The following ARID2 variants were observed in gnomAD, a reference collection of about 807,000 sequenced individuals.
ARID2 encodes the protein AT-rich interactive domain-containing protein 2.
A neutral mutation model predicts 184.6 loss-of-function variants in ARID2; 32 were observed. That is an observed-to-expected ratio of 0.17 (90% CI 0.13 to 0.23). ARID2 has a LOEUF of 0.23. ARID2 is among the 10% of genes least tolerant of loss of function. ARID2 has a pLI of 1.00. For synonymous variants in ARID2, 836 were observed against 772.6 expected (o/e 1.08, Z -1.36); for missense variants, 1,696 against 2,197.6 (o/e 0.77, Z 4.56).
chr12:45,828,323 T>C (rs983139082), intron 6 of ARID2, among the ~76,000 whole-genome samples: 1 of 152,154 alleles, frequency 6.6e-6, no homozygotes, highest in African/African-American at 2.4e-5. Flanking sequence ...TATTGTTGTA[T>C]AATGTTACAT....
chr12:45,784,264 T>C (rs921419012), intron 3 of ARID2, among the ~76,000 whole-genome samples: 5 of 152,172 alleles, frequency 3.3e-5, no homozygotes, highest in African/African-American at 1.2e-4. Context: ...CAAGTGATCC[T>C]CCTGCTTCAG....
intron 16 of ARID2, among the ~76,000 whole-genome samples, chr12:45,890,098 TTAGA>T (rs879540985): frequency 1.1e-4 from 17 of 152,202 alleles, no homozygotes; most frequent in South Asian, 1.0e-3. Context: ...ACTAGAGTAG[TTAGA>T]TAGAGAGAAA....
chr12:45,815,149 T>C (rs1212891488), intron 4 of ARID2, among the ~76,000 whole-genome samples: 2 of 152,120 alleles, frequency 1.3e-5, no homozygotes, highest in Non-Finnish European at 2.9e-5. Flanking sequence ...GGAATACGGG[T>C]TCCACATTTT....
chr12:45,795,104 A>G (rs1942365477), intron 3 of ARID2, among the ~76,000 whole-genome samples: 2 of 152,212 alleles, frequency 1.3e-5, no homozygotes, highest in South Asian at 2.1e-4. Context: ...TTCAAGAAAT[A>G]TAAATACATT....
At chr12:45,817,224 C>A (rs1414831429) in intron 4 of ARID2, among the ~76,000 whole-genome samples, 3 of 152,006 alleles carry the variant, frequency 2.0e-5, no homozygotes, top group Admixed American at 6.6e-5. Context: ...CATAGTGGAG[C>A]CTTCCTGTAG....
intron 3 of ARID2, among the ~76,000 whole-genome samples, chr12:45,786,821 C>G (rs1008376555): frequency 6.6e-6 from 1 of 152,112 alleles, no homozygotes; most frequent in Non-Finnish European, 1.5e-5. Context: ...TAAAAAAGAA[C>G]AAAATCCTGT....
intron 3 of ARID2, among the ~76,000 whole-genome samples, chr12:45,770,066 AAC>A (rs1941839913): frequency 6.6e-6 from 1 of 152,114 alleles, no homozygotes. Flanking sequence ...CATCCTGGCT[AAC>A]ACAGTGAAAC....
At chr12:45,846,807 A>G (rs767282059) in intron 11 of ARID2, 49 bp from the exon 12 acceptor site, 42 of 1,570,920 alleles carry the variant, frequency 2.7e-5, no homozygotes, top group Non-Finnish European at 3.6e-5. Context: ...TATGGCAAAT[A>G]GTGACTAACT....
At chr12:45,790,926 C>T (rs1207235135) in intron 3 of ARID2, among the ~76,000 whole-genome samples, 1 of 151,934 alleles carries the variant, frequency 6.6e-6, no homozygotes, top group Non-Finnish European at 1.5e-5. Context: ...TCTTTTTTAT[C>T]TATTTATTCG....
At chr12:45,808,885 C>T (rs910739738) in intron 3 of ARID2, among the ~76,000 whole-genome samples, 1 of 152,146 alleles carries the variant, frequency 6.6e-6, no homozygotes, top group East Asian at 1.9e-4. Context: ...GTACTTCAGC[C>T]ACCTGAGTAG....
intron 3 of ARID2, among the ~76,000 whole-genome samples, chr12:45,788,453 A>G (rs1942235671): frequency 6.6e-6 from 1 of 152,206 alleles, no homozygotes; most frequent in Admixed American, 6.5e-5. Flanking sequence ...AGCATACTCT[A>G]TGACCCTGAT....
At chr12:45,849,302 G>T (rs1320538255) in intron 13 of ARID2, among the ~76,000 whole-genome samples, 1 of 152,094 alleles carries the variant, frequency 6.6e-6, no homozygotes, top group East Asian at 1.9e-4. Context: ...AAGACTTTTT[G>T]ATATTTTGCA....
chr12:45,853,911 G>C (rs1042136076), intron 15 of ARID2, among the ~76,000 whole-genome samples: 1 of 152,238 alleles, frequency 6.6e-6, no homozygotes, highest in African/African-American at 2.4e-5. Context: ...ATAACTGACA[G>C]GTACCAGTCC....
intron 6 of ARID2, among the ~76,000 whole-genome samples, chr12:45,830,192 C>A (rs1277380428): frequency 1.3e-5 from 2 of 151,146 alleles, no homozygotes; most frequent in Non-Finnish European, 3.0e-5. Flanking sequence ...TGGAATATTC[C>A]CTTCTGTTTT....
rs528309142 is a variant in ARID2, at chr12:45,852,429, A to G, written c.4306A>G (p.Asn1436Asp). ...SSVSSIQEAS[N>D]AATQQFSGTD... ...TGTGAGCAGTATACAGGAGGCTTCA[A>G]ATGCGGCAACACAGCAATTTAGTGG... is the stretch of plus-strand genomic sequence containing the variant. The change falls in exon 15 of 21, where the codon AAT (asparagine) becomes GAT (aspartate). Residue 1436 changes from asparagine (N) to aspartate (D), a missense_variant. Physicochemically the swap from Asn to Asp is conservative, Grantham distance 23. Coordinates refer to ENST00000334344, the MANE Select transcript of ARID2 (RefSeq NM_152641.4). 3.1e-6 allele frequency: 5 copies of G among 1,614,166 alleles called. No homozygotes were observed. Among genetic ancestry groups the G allele is most frequent in the Admixed American group, 3.3e-5 (2 of 60,018 alleles).
chr12:45,729,952 G>A (rs1439100001), intron 1 of ARID2, 24 bp downstream of exon 1: 1 of 1,603,716 alleles, frequency 6.2e-7, no homozygotes, highest in Non-Finnish European at 8.5e-7. Flanking sequence ...CGGGGGGGCA[G>A]CGCCGGGGCG....
intron 6 of ARID2, among the ~76,000 whole-genome samples, chr12:45,824,779 G>C (rs1042967900): frequency 1.3e-5 from 2 of 151,674 alleles, no homozygotes; most frequent in Admixed American, 1.3e-4. Flanking sequence ...TGCCGTCAAT[G>C]TGCATTGCAG....
intron 3 of ARID2, among the ~76,000 whole-genome samples, chr12:45,810,808 A>G (rs1470955321): frequency 6.6e-6 from 1 of 152,246 alleles, no homozygotes. Flanking sequence ...ACAAATAAAT[A>G]AAGGTACTAT....
At chr12:45,839,658 C>A in intron 11 of ARID2, 162 bp downstream of exon 11, 2 of 694,054 alleles carry the variant, frequency 2.9e-6, no homozygotes, top group South Asian at 6.0e-5. Context: ...ATTATACATT[C>A]CAGGAGTAGC....
Sources: gnomAD v4.1 joint callset for allele counts (sites outside exome capture counted in the v4.1 genomes callset) on GRCh38, gnomAD v4.1.1 for gene constraint, MANE v1.5 for transcripts, NCBI Gene and HGNC (gene_info 2026-07-23, HGNC 2026-07-21) for gene names.